Variants in DNAJC11 observed in about 807,000 individuals in gnomAD.
DNAJC11 encodes dnaJ homolog subfamily C member 11.
In DNAJC11, 15 loss-of-function variants were observed where a neutral mutation model predicts 78.6. The ratio of observed to expected loss-of-function variants is 0.19; its 90% CI spans 0.13 to 0.29. The LOEUF is 0.29. Ranked by LOEUF, DNAJC11 falls within the 10% of genes least tolerant of loss-of-function variation. The pLI is 1.00. For synonymous variants in DNAJC11, 292 were observed against 272.1 expected (o/e 1.07, Z -0.72); for missense variants, 547 against 709.6 (o/e 0.77, Z 2.60).
intron 1 of DNAJC11, among the ~76,000 whole-genome samples, chr1:6,699,938 C>T (rs1642898896): frequency 6.6e-6 from 1 of 152,116 alleles, no homozygotes; most frequent in Non-Finnish European, 1.5e-5. Flanking sequence ...CAGTATCAAG[C>T]CTCTGAGCCC....
At chr1:6,670,623 G>A (rs1642365734) in intron 3 of DNAJC11, 1 of 152,150 alleles carries the variant, frequency 6.6e-6, no homozygotes, top group African/African-American at 2.4e-5. Flanking sequence ...AGGGGGAAGT[G>A]GTTCTTTTTA....
At chr1:6,643,414 T>TAC (rs1420052829) in intron 10 of DNAJC11, among the ~76,000 whole-genome samples, 1 of 151,734 alleles carries the variant, frequency 6.6e-6, no homozygotes, top group Non-Finnish European at 1.5e-5. Flanking sequence ...TAGCAGAGAC[T>TAC]ACAGGCGCCC....
chr1:6,685,952 C>A (rs1208736495), intron 1 of DNAJC11, among the ~76,000 whole-genome samples: 5 of 152,180 alleles, frequency 3.3e-5, no homozygotes, highest in Non-Finnish European at 5.9e-5. Flanking sequence ...TCAATTAGCT[C>A]TCAGTTCCTT....
chr1:6,700,917 C>T (rs960044671), intron 1 of DNAJC11, among the ~76,000 whole-genome samples: 5 of 152,182 alleles, frequency 3.3e-5, no homozygotes, highest in African/African-American at 9.7e-5. Context: ...AGCCTTCTCG[C>T]CCTTCACACC....
chr1:6,681,669 A>G (rs1380501405), intron 1 of DNAJC11, among the ~76,000 whole-genome samples: 1 of 152,112 alleles, frequency 6.6e-6, no homozygotes, highest in Non-Finnish European at 1.5e-5. Context: ...AAGGTGTGGC[A>G]CAAGGCAGAC....
intron 3 of DNAJC11, among the ~76,000 whole-genome samples, chr1:6,671,214 G>T (rs138454116): frequency 1.7e-3 from 266 of 152,214 alleles, no homozygotes; most frequent in African/African-American, 5.6e-3. Context: ...GACTTGATTT[G>T]ATTTATTTAT....
At chr1:6,641,731 G>T (rs1300174550) in intron 10 of DNAJC11, among the ~76,000 whole-genome samples, 1 of 152,062 alleles carries the variant, frequency 6.6e-6, no homozygotes, top group Non-Finnish European at 1.5e-5. Flanking sequence ...TCTAATCTAG[G>T]TAAGTGATTT....
At chr1:6,695,167 T>G (rs1482172291) in intron 1 of DNAJC11, among the ~76,000 whole-genome samples, 2 of 151,304 alleles carry the variant, frequency 1.3e-5, no homozygotes, top group East Asian at 3.9e-4. Flanking sequence ...AAAAAATTTT[T>G]TTTTTTAATT....
At chr1:6,671,603 C>A (rs974198090) in intron 3 of DNAJC11, among the ~76,000 whole-genome samples, 25 of 149,000 alleles carry the variant, frequency 1.7e-4, no homozygotes, top group Admixed American at 6.1e-4. Flanking sequence ...GCAATCTCAG[C>A]TCACTGCAAG....
chr1:6,675,282 T>C (rs1050177335), intron 3 of DNAJC11, among the ~76,000 whole-genome samples: 12 of 147,344 alleles, frequency 8.1e-5, no homozygotes, highest in Non-Finnish European at 1.3e-4. Context: ...AAGCTTAGTA[T>C]CCACATGAAA....
In DNAJC11 at chr1:6,652,955, A is replaced by C; in HGVS notation, c.508-4T>G. The C allele has an allele frequency of 1.9e-6, 3 of 1,614,074 alleles. No homozygotes were observed. The highest frequency in any genetic ancestry group is 4.5e-5 in the East Asian group (2 of 44,884). ...TGTCTGTCGCTGTCAAGGGTGCCTA[A>C]AAATGGTATTTGCTGGTAATGAATG... On this transcript the variant is annotated splice_polypyrimidine_tract_variant and splice_region_variant and intron_variant, in intron 5 of 15. Coordinates refer to ENST00000377577, the MANE Select transcript of DNAJC11 (RefSeq NM_018198.4).
chr1:6,664,802 T>C (rs1402581293), intron 4 of DNAJC11, among the ~76,000 whole-genome samples: 1 of 152,172 alleles, frequency 6.6e-6, no homozygotes, highest in African/African-American at 2.4e-5. Context: ...GGGAGCACTG[T>C]CAAACGGCTC....
chr1:6,662,131 T>TTTG (rs1642224845), intron 4 of DNAJC11, among the ~76,000 whole-genome samples: 1 of 146,672 alleles, frequency 6.8e-6, no homozygotes, highest in African/African-American at 2.5e-5. Context: ...GTTTTTTGTT[T>TTTG]TTTGTTTTTT....
intron 12 of DNAJC11, chr1:6,637,966 G>A (rs903655173): frequency 4.2e-5 from 16 of 385,346 alleles, no homozygotes; most frequent in South Asian, 2.9e-4. Flanking sequence ...TCGCCAGGCC[G>A]CGCACACGGC....
intron 3 of DNAJC11, among the ~76,000 whole-genome samples, chr1:6,673,283 T>C (rs1018421337): frequency 2.2e-5 from 3 of 138,916 alleles, no homozygotes; most frequent in East Asian, 2.3e-4. Flanking sequence ...TGAGACCCCA[T>C]CTCTACAACA....
At chr1:6,687,343 C>A in intron 1 of DNAJC11, among the ~76,000 whole-genome samples, 2 of 146,704 alleles carry the variant, frequency 1.4e-5, no homozygotes, top group African/African-American at 5.0e-5. Context: ...AGGCTTTACA[C>A]AATACAGTCC....
chr1:6,662,720 G>GT (rs1358724822), intron 4 of DNAJC11, among the ~76,000 whole-genome samples: 3 of 152,112 alleles, frequency 2.0e-5, no homozygotes, highest in African/African-American at 4.8e-5. Context: ...CTAGAGTATT[G>GT]TAAGTGCACT....
Position 6,644,189 on chromosome 1 carries a change from C to T in DNAJC11, c.1097+369G>A, listed in dbSNP as rs143138314. 2.6e-3 allele frequency among the ~76,000 whole-genome samples: 399 copies of T among 152,076 alleles called. 1 individual carries two copies. The highest frequency in any genetic ancestry group is 9.2e-3 in the African/African-American group (380 of 41,462). Reference sequence around the variant, plus strand: ...TGTCCTCCAGGCTGGAGTGCAGTGGCACGATCTCCATCTCAGCTCACTGCA... The same window carrying T: ...TGTCCTCCAGGCTGGAGTGCAGTGGTACGATCTCCATCTCAGCTCACTGCA... On this transcript the variant is annotated intron_variant, in intron 10 of 15. Coordinates refer to ENST00000377577, the MANE Select transcript of DNAJC11 (RefSeq NM_018198.4).
intron 1 of DNAJC11, among the ~76,000 whole-genome samples, chr1:6,696,845 A>C (rs1445408399): frequency 1.3e-5 from 2 of 152,236 alleles, no homozygotes; most frequent in Non-Finnish European, 2.9e-5. Flanking sequence ...CTTAAGGTTA[A>C]AACAATTGGG....
Sources: gnomAD v4.1 joint callset for allele counts (sites outside exome capture counted in the v4.1 genomes callset) on GRCh38, gnomAD v4.1.1 for gene constraint, MANE v1.5 for transcripts, NCBI Gene and HGNC (gene_info 2026-07-23, HGNC 2026-07-21) for gene names.